AKAP10: variants seen among roughly 807,000 people sequenced by gnomAD.
The protein encoded by AKAP10 is A-kinase anchor protein 10, mitochondrial.
In AKAP10, 24 loss-of-function variants were observed where a neutral mutation model predicts 80.8. The ratio of observed to expected loss-of-function variants is 0.30; its 90% CI spans 0.22 to 0.42. The LOEUF (loss-of-function observed/expected upper bound fraction) is 0.42. Among genes scored for constraint, AKAP10 ranks in the 10% least tolerant of loss-of-function variants. The pLI is 1.00. For synonymous variants in AKAP10, 291 were observed against 277.7 expected, an observed-to-expected ratio of 1.05 and a Z score of -0.48; for missense variants, 661 against 794.9, an observed-to-expected ratio of 0.83 and a Z score of 2.03.
chr17:19,950,202 G>C (rs567999926), intron 4 of AKAP10, among the ~76,000 whole-genome samples: 1 of 152,312 alleles, frequency 6.6e-6, no homozygotes, highest in Non-Finnish European at 1.5e-5. Context: ...CTACTTGGGA[G>C]CTGTGGCAGG....
At chr17:19,939,563 A>G in intron 8 of AKAP10, 150 bp downstream of exon 8, 1 of 846,940 alleles carries the variant, frequency 1.2e-6, no homozygotes, top group Non-Finnish European at 1.7e-6. Flanking sequence ...AGAACCCCCA[A>G]AGCTTTACAA....
At chr17:19,909,798 G>A in intron 13 of AKAP10, 128 bp downstream of exon 13, 1 of 745,902 alleles carries the variant, frequency 1.3e-6, no homozygotes, top group South Asian at 1.8e-5. Flanking sequence ...GTACATTCTG[G>A]GTAAGAGAAC....
At chr17:19,918,465 G>A (rs983547261) in intron 12 of AKAP10, among the ~76,000 whole-genome samples, 3 of 152,136 alleles carry the variant, frequency 2.0e-5, no homozygotes, top group Non-Finnish European at 4.4e-5. Flanking sequence ...ACCCGGAGGC[G>A]GGTGCACAGG....
chr17:19,964,058 CA>C (rs1355888220), intron 2 of AKAP10, among the ~76,000 whole-genome samples: 1 of 152,120 alleles, frequency 6.6e-6, no homozygotes, highest in African/African-American at 2.4e-5. Context: ...TGACTGTCTT[CA>C]AACTATTTTT....
Position 19,919,968 on chromosome 17 carries a change from G to A in AKAP10, c.1834+68C>T. On this transcript the variant is annotated intron_variant, in intron 12 of 14. Transcript: ENST00000225737. ...AAATAAACAGTTTAAACCTTAAGTG[G>A]TCTTTGACTTACAGTCAATCACTAA... is the stretch of plus-strand genomic sequence containing the variant. The A allele has an allele frequency of 6.7e-6, 9 of 1,336,142 alleles. No homozygotes were observed. The South Asian group carries it at 9.9e-5, about 15-fold the overall frequency. The allele number at this position is 1,336,142 out of a possible 1,614,324, so 82.8% of individuals were successfully genotyped here.
At chr17:19,975,314 T>C (rs2043550997) in intron 1 of AKAP10, among the ~76,000 whole-genome samples, 2 of 152,210 alleles carry the variant, frequency 1.3e-5, no homozygotes, top group African/African-American at 4.8e-5. Context: ...CCACCATGTT[T>C]GGCATCTCGG....
At chr17:19,959,316 A>T (rs1172268333) in intron 3 of AKAP10, among the ~76,000 whole-genome samples, 1 of 152,232 alleles carries the variant, frequency 6.6e-6, no homozygotes, top group Non-Finnish European at 1.5e-5. Flanking sequence ...AAAATTATTA[A>T]GCAGTAACAA....
At chr17:19,963,534 A>G (rs921167276) in intron 2 of AKAP10, among the ~76,000 whole-genome samples, 3 of 152,162 alleles carry the variant, frequency 2.0e-5, no homozygotes, top group African/African-American at 7.2e-5. Flanking sequence ...AAATCCTTAA[A>G]CCTTGCTTGC....
intron 9 of AKAP10, among the ~76,000 whole-genome samples, chr17:19,934,637 C>T (rs556783007): frequency 6.6e-6 from 1 of 152,286 alleles, no homozygotes; most frequent in East Asian, 1.9e-4. Context: ...ATATACATTA[C>T]CTTACTTTAA....
At chr17:19,933,699 A>G (rs16960545) in intron 9 of AKAP10, among the ~76,000 whole-genome samples, 10,291 of 152,182 alleles carry the variant, frequency 0.068, 1,028 homozygotes, top group African/African-American at 0.22. Flanking sequence ...ACTACTAGCT[A>G]TTTAATGATT....
intron 14 of AKAP10, among the ~76,000 whole-genome samples, chr17:19,907,274 C>T (rs1416299313): frequency 6.6e-6 from 1 of 152,018 alleles, no homozygotes; most frequent in African/African-American, 2.4e-5. Flanking sequence ...TGCCTCAGCC[C>T]CCACAAAGTG....
Position 19,931,799 on chromosome 17 carries a change from C to T in AKAP10, c.1641+6G>A, listed in dbSNP as rs61749865. 0.12 allele frequency: 190,807 copies of T among 1,611,352 alleles called. 11,952 individuals are homozygous for T. The highest frequency in any genetic ancestry group is 0.13 in the Non-Finnish European group (152,676 of 1,179,034). On this transcript the variant is annotated splice_donor_region_variant and intron_variant, in intron 10 of 14. Coordinates refer to ENST00000225737, the MANE Select transcript of AKAP10 (RefSeq NM_007202.4). ...CTCCCTAATGGCAGACGCAATCAGT[C>T]AATACCTGAGACGCAGAGCTGTCAG...
At chr17:19,921,463 T>C (rs778524735) in intron 11 of AKAP10, among the ~76,000 whole-genome samples, 4 of 151,592 alleles carry the variant, frequency 2.6e-5, no homozygotes, top group Non-Finnish European at 5.9e-5. Context: ...GCCAAAAGTA[T>C]GAAGTATTCT....
rs2042992232 is a variant in AKAP10 at position 19,936,375 on chromosome 17, C to T, written c.1378G>A (p.Glu460Lys). Reference sequence around the variant, plus strand: ...TCCCTGCAGATATTGGATTCAATTTCTAATCGTACAACATCATCAAATCCA... The same window carrying T: ...TCCCTGCAGATATTGGATTCAATTTTTAATCGTACAACATCATCAAATCCA... Reference protein sequence around the residue: ...PLGFDDVVRLEIESNICREGG... With the variant: ...PLGFDDVVRLKIESNICREGG... The change falls in exon 9 of 15, where the codon GAA (glutamate) becomes AAA (lysine). Residue 460 changes from glutamate (E) to lysine (K), a missense_variant. By Grantham distance (56) the Glu-to-Lys change is moderately conservative (BLOSUM62 1). Coordinates refer to ENST00000225737, the MANE Select transcript of AKAP10 (RefSeq NM_007202.4). The T allele has an allele frequency of 3.7e-6, 6 of 1,613,684 alleles. No individual in the cohort carries two copies. Among genetic ancestry groups the T allele is most frequent in the Non-Finnish European group, 5.1e-6 (6 of 1,179,694 alleles).
intron 10 of AKAP10, among the ~76,000 whole-genome samples, chr17:19,927,980 G>A (rs1247879259): frequency 6.6e-6 from 1 of 152,014 alleles, no homozygotes; most frequent in African/African-American, 2.4e-5. Flanking sequence ...AGCACTTTGG[G>A]AAGCCTAGGC....
At chr17:19,946,905 G>A (rs2043139382) in intron 5 of AKAP10, among the ~76,000 whole-genome samples, 1 of 152,204 alleles carries the variant, frequency 6.6e-6, no homozygotes, top group African/African-American at 2.4e-5. Flanking sequence ...CCACTGAGAA[G>A]TGGGATGAAG....
chr17:19,936,988 G>A (rs2042999178), intron 8 of AKAP10, among the ~76,000 whole-genome samples: 1 of 151,988 alleles, frequency 6.6e-6, no homozygotes, highest in Non-Finnish European at 1.5e-5. Context: ...GACTCGGTGT[G>A]GAAAGGGAGT....
intron 10 of AKAP10, among the ~76,000 whole-genome samples, chr17:19,926,295 T>TA (rs1326529685): frequency 1.3e-5 from 2 of 149,524 alleles, no homozygotes; most frequent in African/African-American, 4.9e-5. Flanking sequence ...AAAAAAGCCT[T>TA]AAAAAATCAG....
intron 10 of AKAP10, 81 bp downstream of exon 10, chr17:19,931,724 A>G (rs185972095): frequency 4.6e-5 from 67 of 1,448,542 alleles, no homozygotes; most frequent in Non-Finnish European, 6.0e-5. Flanking sequence ...AAAATTTACA[A>G]ATAATAGGAT....
Sources: gnomAD v4.1 joint callset for allele counts (sites outside exome capture counted in the v4.1 genomes callset) on GRCh38, gnomAD v4.1.1 for gene constraint, MANE v1.5 for transcripts, NCBI Gene and HGNC (gene_info 2026-07-23, HGNC 2026-07-21) for gene names.